ZNF655: variants seen among roughly 807,000 people sequenced by gnomAD.
The protein encoded by ZNF655 is Vav-interacting Kruppel-like protein 1.
ZNF655 carries 3 observed loss-of-function variants against 6.6 expected under a neutral mutation model. That is an observed-to-expected ratio of 0.46 (90% CI 0.21 to 1.18). The LOEUF is 1.18. Ranked by LOEUF, ZNF655 falls within the 50% of genes most tolerant of loss-of-function variation. The pLI is 0.24. For missense variants in ZNF655, 526 were observed against 572.3 expected, an observed-to-expected ratio of 0.92 and a Z score of 0.83; for synonymous variants, 178 against 195.0, an observed-to-expected ratio of 0.91 and a Z score of 0.73.
At chr7:99,560,501 T>C (rs1207936415) in intron 1 of ZNF655, 32 bp from the exon 2 acceptor site, 58 of 1,579,354 alleles carry the variant, frequency 3.7e-5, no homozygotes, top group Non-Finnish European at 4.9e-5. Flanking sequence ...CTTTAACTTA[T>C]TACAGTAATT....
At chr7:99,562,436 T>A (rs1803265960) in intron 2 of ZNF655, 1 of 1,614,046 alleles carries the variant, frequency 6.2e-7, no homozygotes, top group Non-Finnish European at 8.5e-7. Flanking sequence ...TGGACCCTGT[T>A]CAGAGGGACC....
chr7:99,569,112 C>T (rs1159556116), intron 2 of ZNF655, among the ~76,000 whole-genome samples: 3 of 152,052 alleles, frequency 2.0e-5, no homozygotes, highest in South Asian at 2.1e-4. Context: ...AACACTTCTG[C>T]GACTCCAATT....
intron 2 of ZNF655, chr7:99,564,815 C>T (rs998741309): frequency 3.5e-6 from 2 of 566,328 alleles, no homozygotes; most frequent in Non-Finnish European, 4.5e-6. Context: ...CTCTGCACTG[C>T]ACACTCGACA....
chr7:99,567,982 C>T lies in ZNF655; in HGVS notation c.137-4263C>T, dbSNP rs184007226. Among the ~76,000 whole-genome samples the T allele has an allele frequency of 2.8e-3, 428 of 151,036 alleles. 5 individuals are homozygous for T. Among genetic ancestry groups the T allele is most frequent in the Non-Finnish European group, 3.5e-3 (236 of 67,776 alleles). On this transcript the variant is annotated intron_variant, in intron 2 of 2. Coordinates refer to ENST00000252713, the MANE Select transcript of ZNF655 (RefSeq NM_138494.3). The stretch of plus-strand genomic sequence containing the variant: ...GCTGAGGCTGGAGAATCGCTTGAAC[C>T]CGGGAGGTGGAGGTTGCAGTGAGCC...
At chr7:99,563,853 A>G (rs777715978) in intron 2 of ZNF655, 2 of 1,602,306 alleles carry the variant, frequency 1.2e-6, no homozygotes, top group Non-Finnish European at 1.7e-6. Flanking sequence ...TGGCTCTTTA[A>G]TCTTTGTAGG....
intron 2 of ZNF655, among the ~76,000 whole-genome samples, chr7:99,562,970 G>A (rs1372850671): frequency 6.6e-6 from 1 of 152,130 alleles, no homozygotes; most frequent in African/African-American, 2.4e-5. Context: ...TTCTTGTTGA[G>A]TAGTCCCTCA....
chr7:99,565,141 A>G (rs1803524701), intron 2 of ZNF655, among the ~76,000 whole-genome samples: 1 of 151,664 alleles, frequency 6.6e-6, no homozygotes, highest in Non-Finnish European at 1.5e-5. Context: ...AAGTTTATAC[A>G]TTTATTAATT....
At chr7:99,560,152 T>A (rs939397631) in intron 1 of ZNF655, among the ~76,000 whole-genome samples, 4 of 151,532 alleles carry the variant, frequency 2.6e-5, no homozygotes, top group Admixed American at 6.6e-5. Context: ...TGGTGCAATC[T>A]TGGCTCACTG....
At chr7:99,571,053 A>T in intron 2 of ZNF655, 1 of 301,726 alleles carries the variant, frequency 3.3e-6, no homozygotes. Flanking sequence ...GAGGTCCTTG[A>T]GGGAAGGGAC....
intron 2 of ZNF655, among the ~76,000 whole-genome samples, chr7:99,568,346 G>A (rs1051481240): frequency 7.3e-5 from 11 of 150,458 alleles, no homozygotes; most frequent in Admixed American, 4.0e-4. Context: ...TGCCTCCCGG[G>A]TTCAAGCGAT....
chr7:99,561,476 A>G (rs1345844560), intron 2 of ZNF655, among the ~76,000 whole-genome samples: 4 of 152,194 alleles, frequency 2.6e-5, no homozygotes, highest in Non-Finnish European at 5.9e-5. Context: ...GACAGCACCC[A>G]TTCACAAGAG....
At position 99,562,068 on chromosome 7, in the gene ZNF655, T is replaced by G. The variant is rs947188954; in HGVS notation, c.136+1373T>G. 26 of 1,167,372 alleles carry G rather than the reference T, an allele frequency of 2.2e-5. No individual in the cohort carries two copies. The African/African-American group carries it at 3.8e-4, about 17-fold the overall frequency. The allele number at this position is 1,167,372 out of a possible 1,614,324, so 72.3% of individuals were successfully genotyped here. A position where few individuals can be genotyped will look rare whatever the true frequency, so the allele number is the denominator to read the frequency against. ...CCCATCTGTAGACCTTGCCTGGAATTTTTTTCAATAGCAGACTCCAGTTTG... is the reference window on the plus strand; with the variant it reads ...CCCATCTGTAGACCTTGCCTGGAATGTTTTTCAATAGCAGACTCCAGTTTG... On this transcript the variant is annotated intron_variant, in intron 2 of 2. Coordinates refer to ENST00000252713, the MANE Select transcript of ZNF655 (RefSeq NM_138494.3).
chr7:99,560,231 C>T (rs937085644), intron 1 of ZNF655, among the ~76,000 whole-genome samples: 7 of 151,520 alleles, frequency 4.6e-5, no homozygotes, highest in Non-Finnish European at 7.4e-5. Context: ...ATTACAGACC[C>T]GCACCACCAC....
At chr7:99,565,173 CTT>C (rs199565238) in intron 2 of ZNF655, among the ~76,000 whole-genome samples, 2 of 145,314 alleles carry the variant, frequency 1.4e-5, no homozygotes, top group East Asian at 2.0e-4. Flanking sequence ...GGTTGTAAGA[CTT>C]TTTTTTTTTT....
rs754298188 is a variant in ZNF655, at chr7:99,573,143, A to G, written c.1035A>G (p.Leu345=). The G allele has an allele frequency of 1.9e-6, 3 of 1,613,998 alleles. No individual in the cohort carries two copies. Among genetic ancestry groups the G allele is most frequent in the East Asian group, 2.2e-5 (1 of 44,880 alleles). ...CGSDFCHTSY[L]LEHQRVHHEE... ...GTGACTTCTGCCATACTTCATACCT[A>G]CTTGAACATCAGAGGGTCCATCATG... The change falls in exon 3 of 3, where the codon CTA becomes CTG. Residue 345 remains leucine (L), a synonymous_variant. Coordinates refer to ENST00000252713, the MANE Select transcript of ZNF655 (RefSeq NM_138494.3).
At chr7:99,570,972 T>C in intron 2 of ZNF655, 1 of 179,674 alleles carries the variant, frequency 5.6e-6, no homozygotes, top group South Asian at 9.5e-5. Flanking sequence ...TATGTGAAGA[T>C]GCACTGATTG....
intron 2 of ZNF655, among the ~76,000 whole-genome samples, chr7:99,565,547 A>G (rs1178819973): frequency 1.3e-5 from 2 of 152,238 alleles, no homozygotes; most frequent in Non-Finnish European, 2.9e-5. Context: ...GTAAATATAC[A>G]GAGTACAAAT....
chr7:99,564,031 G>A lies in ZNF655; in HGVS notation c.136+3336G>A, dbSNP rs200602414. The A allele has an allele frequency of 1.6e-5, 25 of 1,608,186 alleles. No individual in the cohort carries two copies. The Middle Eastern group carries it at 8.3e-4, about 53-fold the overall frequency. On this transcript the variant is annotated intron_variant, in intron 2 of 2. Transcript: ENST00000252713. Reference sequence around the variant, plus strand: ...CTTCCCATCGATATTGCTCGTCCCTGCTCGGAAACTCCTTTTCCACGATTG... The same window carrying A: ...CTTCCCATCGATATTGCTCGTCCCTACTCGGAAACTCCTTTTCCACGATTG...
intron 2 of ZNF655, chr7:99,562,031 C>A: frequency 7.1e-7 from 1 of 1,408,976 alleles, no homozygotes; most frequent in Non-Finnish European, 9.5e-7. Flanking sequence ...TGGAGTGTGG[C>A]CTCTCTCTCA....
Sources: allele counts gnomAD v4.1 joint callset (sites outside exome capture counted in the v4.1 genomes callset), GRCh38; gene constraint gnomAD v4.1.1; transcripts MANE v1.5; gene names NCBI Gene and HGNC (gene_info 2026-07-23, HGNC 2026-07-21).